Variants in RASSF5 observed in about 807,000 individuals in gnomAD.
RASSF5 encodes Ras association domain family member 5.
A neutral mutation model predicts 40.5 loss-of-function variants in RASSF5; 25 were observed. The ratio of observed to expected loss-of-function variants is 0.62; its 90% confidence interval spans 0.45 to 0.86. RASSF5 has a LOEUF of 0.86. Ranked by LOEUF, RASSF5 falls within the 40% of genes least tolerant of loss-of-function variation. RASSF5 has a pLI of 0.00. For synonymous variants in RASSF5, 246 were observed against 252.4 expected, an observed-to-expected ratio of 0.97 and a Z score of 0.24; for missense variants, 521 against 572.8, an observed-to-expected ratio of 0.91 and a Z score of 0.92.
At position 206,560,725 on chromosome 1, in the gene RASSF5, C is replaced by T. The variant is rs1185842765; in HGVS notation, c.579+22432C>T. Among the ~76,000 whole-genome samples, 1 of 152,232 alleles carries T rather than the reference C, an allele frequency of 6.6e-6. No individual in the cohort carries two copies. Among genetic ancestry groups the T allele is most frequent in the Non-Finnish European group, 1.5e-5 (1 of 68,046 alleles). On this transcript the variant is annotated intron_variant, in intron 2 of 5. Transcript: ENST00000579436. This position sits in a 1 kb window ranked among gnomAD's most constrained non-coding sequence, Gnocchi z 5.1. ...CTCAGTAAGACCATCATAGTTACCT[C>T]AATCTAAGGTGTTGCCTAGATGGGT...
At position 206,513,918 on chromosome 1, in the gene RASSF5, A is replaced by G. The variant is rs1553395035; in HGVS notation, c.457+5859A>G. Among the ~76,000 whole-genome samples the G allele has an allele frequency of 6.6e-6, 1 of 152,200 alleles. No homozygotes were observed. Among genetic ancestry groups the G allele is most frequent in the Non-Finnish European group, 1.5e-5 (1 of 68,036 alleles). On this transcript the variant is annotated intron_variant, in intron 1 of 5. Transcript: ENST00000579436. This position sits in a 1 kb window ranked among gnomAD's most constrained non-coding sequence, Gnocchi z 5.0. ...CATGGGTTGCCCCACCCCAAGGTCA[A>G]GACTATCTTGACTCACACCTGGGGA...
rs782715825 is a variant in RASSF5 at position 206,585,169 on chromosome 1, T to G, written c.989-11T>G. ...TGGGAAGAGCTCCCAGCACCCTCTC[T>G]TGGTTTGCAGTGCTCTTCCAGAAAC... is the stretch of plus-strand genomic sequence containing the variant. On this transcript the variant is annotated splice_polypyrimidine_tract_variant and intron_variant, in intron 4 of 5. Coordinates refer to ENST00000579436, the MANE Select transcript of RASSF5 (RefSeq NM_182663.4). 40 of 1,605,640 alleles carry G rather than the reference T, an allele frequency of 2.5e-5. No homozygotes were observed. The highest frequency in any genetic ancestry group is 3.2e-5 in the Non-Finnish European group (38 of 1,172,446).
At position 206,531,655 on chromosome 1, in the gene RASSF5, C is replaced by G. The variant is rs1397991692; in HGVS notation, c.458-6517C>G. Among the ~76,000 whole-genome samples, 3 of 152,174 alleles carry G rather than the reference C, an allele frequency of 2.0e-5. No homozygotes were observed. The highest frequency in any genetic ancestry group is 4.4e-5 in the Non-Finnish European group (3 of 68,032). ...AAATGGGGGATTCTTAAAGGAGAAT[C>G]CCCTTGAAAAGGGATTGAAGACAGG... On this transcript the variant is annotated intron_variant, in intron 1 of 5. Transcript: ENST00000579436. The surrounding 1 kb of genome is among the most constrained non-coding windows in gnomAD (Gnocchi z 4.7).
rs879978003 is a variant in RASSF5 at position 206,586,840 on chromosome 1, C to T, written c.1119C>T (p.Ser373=). The T allele has an allele frequency of 9.3e-6, 15 of 1,613,670 alleles. 1 individual carries two copies. In the South Asian group the frequency reaches 1.5e-4, roughly 17 times the overall value. Residue 373 remains serine (S), a synonymous_variant, in exon 6 of 6, where the codon TCC becomes TCT. Transcript: ENST00000579436. ...TCGCCTCACAGTGGGATGCCTTCTCCATCCCTGAACTTCAGAACTTCCTAA... is the reference window on the plus strand; with the variant it reads ...TCGCCTCACAGTGGGATGCCTTCTCTATCCCTGAACTTCAGAACTTCCTAA... The part of the protein sequence containing the change: ...ETGEVEWDAF[S]IPELQNFLTI...
intron 1 of RASSF5, among the ~76,000 whole-genome samples, chr1:206,532,241 A>G (rs1553398063): frequency 2.0e-5 from 3 of 152,052 alleles, no homozygotes; most frequent in Non-Finnish European, 4.4e-5. Flanking sequence ...GTGGAAGGAG[A>G]GGGTAGGGGA....
chr1:206,587,560 T>A lies in RASSF5; in HGVS notation c.*582T>A. 1 of 159,414 alleles carries A rather than the reference T, an allele frequency of 6.3e-6. No homozygotes were observed. Among genetic ancestry groups the A allele is most frequent in the East Asian group, 1.8e-4 (1 of 5,472 alleles). The allele number at this position is 159,414 out of a possible 1,614,324, so 9.9% of individuals were successfully genotyped here. On this transcript the variant is annotated 3_prime_UTR_variant, in exon 6 of 6. Transcript: ENST00000579436. Reference sequence around the variant, plus strand: ...AGCTACTGGCCCCAGATGCTCAGGGTAAGGAGCACCAAAGCTGAGGCTGGC... The same window carrying A: ...AGCTACTGGCCCCAGATGCTCAGGGAAAGGAGCACCAAAGCTGAGGCTGGC...
intron 2 of RASSF5, among the ~76,000 whole-genome samples, chr1:206,555,296 T>C (rs1254180169): frequency 6.6e-6 from 1 of 152,110 alleles, no homozygotes; most frequent in East Asian, 1.9e-4. Flanking sequence ...TAGCTGTATG[T>C]GAAGGTTGCA....
chr1:206,578,376 A>AT (rs1274831696), intron 2 of RASSF5, among the ~76,000 whole-genome samples: 2 of 152,066 alleles, frequency 1.3e-5, no homozygotes, highest in East Asian at 3.9e-4. Context: ...TCATAATAGT[A>AT]TTTTTTGTGA....
chr1:206,525,936 C>G (rs186786017), intron 1 of RASSF5, among the ~76,000 whole-genome samples: 62 of 152,296 alleles, frequency 4.1e-4, no homozygotes, highest in African/African-American at 1.4e-3. Context: ...GTCTTTGGCT[C>G]TCTTTCCTGT....
At chr1:206,523,649 T>TA in intron 1 of RASSF5, among the ~76,000 whole-genome samples, 1 of 100,874 alleles carries the variant, frequency 9.9e-6, no homozygotes, top group East Asian at 2.3e-4. Flanking sequence ...ATATAATATA[T>TA]TTATATAAAA....
At chr1:206,585,351 G>A (rs1669070191) in intron 5 of RASSF5, 56 bp downstream of exon 5, 3 of 1,302,322 alleles carry the variant, frequency 2.3e-6, no homozygotes, top group Non-Finnish European at 3.3e-6. Context: ...GGTGGGTGCA[G>A]GTGGGTGTTG....
rs1339593797 is a variant in RASSF5, at chr1:206,531,524, T to C, written c.458-6648T>C. 3.3e-5 allele frequency among the ~76,000 whole-genome samples: 5 copies of C among 152,138 alleles called. No homozygotes were observed. Among genetic ancestry groups the C allele is most frequent in the Non-Finnish European group, 7.4e-5 (5 of 67,998 alleles). ...GGGGCTGGAGGTGGTGGAGCTGCCC[T>C]GGGATGGTCTGTGCGCAGAGGGCGC... is the stretch of plus-strand genomic sequence containing the variant. On this transcript the variant is annotated intron_variant, in intron 1 of 5. Coordinates refer to ENST00000579436, the MANE Select transcript of RASSF5 (RefSeq NM_182663.4). The surrounding 1 kb of genome is among the most constrained non-coding windows in gnomAD (Gnocchi z 4.7).
intron 2 of RASSF5, among the ~76,000 whole-genome samples, chr1:206,554,226 G>A (rs1667922426): frequency 6.6e-6 from 1 of 152,176 alleles, no homozygotes; most frequent in South Asian, 2.1e-4. Context: ...CAACTGGATA[G>A]TTGAGGAAAC....
rs1667240551 is a variant in RASSF5 at position 206,531,695 on chromosome 1, G to A, written c.458-6477G>A. ...TTGAAGACAGGTACCATGAGATGGT[G>A]ACAGTCCCCACTGACTTATTCAAGA... On this transcript the variant is annotated intron_variant, in intron 1 of 5. Transcript: ENST00000579436. The surrounding 1 kb of genome is among the most constrained non-coding windows in gnomAD (Gnocchi z 4.7). Among the ~76,000 whole-genome samples the A allele has an allele frequency of 6.6e-6, 1 of 152,198 alleles. No individual in the cohort carries two copies. The highest frequency in any genetic ancestry group is 2.4e-5 in the African/African-American group (1 of 41,454).
intron 2 of RASSF5, among the ~76,000 whole-genome samples, chr1:206,556,640 G>C (rs552044456): frequency 1.6e-4 from 25 of 152,306 alleles, no homozygotes; most frequent in African/African-American, 5.1e-4. Context: ...TCTATGGGTG[G>C]GAAGGCAGCT....
rs1210677086 is a variant in RASSF5 at position 206,588,865 on chromosome 1, A to G, written c.*1887A>G. The G allele has an allele frequency of 6.5e-6, 1 of 152,766 alleles. No individual in the cohort carries two copies. The highest frequency in any genetic ancestry group is 1.5e-5 in the Non-Finnish European group (1 of 68,034). The allele number at this position is 152,766 out of a possible 1,614,324, so 9.5% of individuals were successfully genotyped here. A position where few individuals can be genotyped will look rare whatever the true frequency, so the allele number is the denominator to read the frequency against. Reference sequence around the variant, plus strand: ...TTCGTCCTGCATGTCTCTAACATTAATAGAAGGCATGGCTCCTGCTGCAAC... The same window carrying G: ...TTCGTCCTGCATGTCTCTAACATTAGTAGAAGGCATGGCTCCTGCTGCAAC... On this transcript the variant is annotated 3_prime_UTR_variant, in exon 6 of 6. Coordinates refer to ENST00000579436, the MANE Select transcript of RASSF5 (RefSeq NM_182663.4).
chr1:206,518,950 T>G (rs150659061), intron 1 of RASSF5, among the ~76,000 whole-genome samples: 120 of 151,744 alleles, frequency 7.9e-4, no homozygotes, highest in African/African-American at 2.8e-3. Flanking sequence ...GAGTCAGCCT[T>G]CTGAGGACCT....
At chr1:206,534,208 CTA>C (rs1667324840) in intron 1 of RASSF5, among the ~76,000 whole-genome samples, 1 of 152,252 alleles carries the variant, frequency 6.6e-6, no homozygotes, top group South Asian at 2.1e-4. Context: ...AGAGGGGCTC[CTA>C]TTGTGGTTTG....
intron 1 of RASSF5, among the ~76,000 whole-genome samples, chr1:206,536,041 C>T (rs1667384867): frequency 1.3e-5 from 2 of 152,140 alleles, no homozygotes; most frequent in Non-Finnish European, 2.9e-5. Flanking sequence ...CAATGCTGCC[C>T]ATTGTGGGTT....
Sources: allele counts gnomAD v4.1 joint callset (sites outside exome capture counted in the v4.1 genomes callset), GRCh38; gene constraint gnomAD v4.1.1; non-coding constraint Gnocchi (gnomAD v3.1); transcripts MANE v1.5; gene names NCBI Gene and HGNC (gene_info 2026-07-23, HGNC 2026-07-21).